Variants in ATRNL1 observed in about 807,000 individuals in gnomAD.
ATRNL1 encodes attractin-like protein 1.
A neutral mutation model predicts 182.7 loss-of-function variants in ATRNL1; 95 were observed. The observed-to-expected ratio is 0.52, with a 90% CI of 0.44 to 0.62. The LOEUF (loss-of-function observed/expected upper bound fraction) is 0.62. Among genes scored for constraint, ATRNL1 ranks in the 20% least tolerant of loss-of-function variants. ATRNL1 has a pLI of 0.00. For missense variants in ATRNL1, 1,471 were observed against 1,679.5 expected (o/e 0.88, Z 2.17); for synonymous variants, 576 against 568.3 (o/e 1.01, Z -0.19).
chr10:115,442,051 A>G (rs923760305), intron 21 of ATRNL1, among the ~76,000 whole-genome samples: 11 of 151,600 alleles, frequency 7.3e-5, no homozygotes, highest in Non-Finnish European at 1.5e-4. Context: ...TTCAGTTTTA[A>G]TTTTCTTCAG....
At chr10:115,541,325 T>C (rs1449756217) in intron 25 of ATRNL1, among the ~76,000 whole-genome samples, 2 of 152,202 alleles carry the variant, frequency 1.3e-5, no homozygotes, top group Admixed American at 6.5e-5. Context: ...ACTTAATTTT[T>C]ATCTGGGAAT....
Position 115,528,011 on chromosome 10 carries a change from T to C in ATRNL1, c.3716+8687T>C, listed in dbSNP as rs1302949721. 3.1e-4 allele frequency among the ~76,000 whole-genome samples: 19 copies of C among 60,472 alleles called. 2 individuals are homozygous for C. Among genetic ancestry groups the C allele is most frequent in the African/African-American group, 1.7e-3 (19 of 10,994 alleles). The allele number at this position is 60,472 out of a possible 152,430, so 39.7% of individuals were successfully genotyped here. On this transcript the variant is annotated intron_variant, in intron 25 of 28. Coordinates refer to ENST00000355044, the MANE Select transcript of ATRNL1 (RefSeq NM_207303.4). ...CTCCCTCCCTCCCTTCCTTCCTTCCTTCCTTCCTTCCTTCCCTCCTTCCTT... is the reference window on the plus strand; with the variant it reads ...CTCCCTCCCTCCCTTCCTTCCTTCCCTCCTTCCTTCCTTCCCTCCTTCCTT...
intron 3 of ATRNL1, 137 bp from the exon 4 acceptor site, chr10:115,127,456 A>T: frequency 6.8e-6 from 4 of 587,492 alleles, no homozygotes. Flanking sequence ...CTTCTTTTAG[A>T]TGTATTCTCC....
intron 27 of ATRNL1, among the ~76,000 whole-genome samples, chr10:115,799,565 C>G (rs1323334180): frequency 1.3e-5 from 2 of 152,178 alleles, no homozygotes; most frequent in African/African-American, 4.8e-5. Context: ...CAGTTGCTCT[C>G]CCAGAAGTCC....
chr10:115,834,289 A>C (rs1194890668), intron 27 of ATRNL1, among the ~76,000 whole-genome samples: 1 of 152,154 alleles, frequency 6.6e-6, no homozygotes, highest in Non-Finnish European at 1.5e-5. Context: ...TTGGGATTTC[A>C]ATCAGATATT....
intron 26 of ATRNL1, among the ~76,000 whole-genome samples, chr10:115,660,159 A>G (rs752475968): frequency 7.9e-5 from 12 of 152,154 alleles, no homozygotes; most frequent in Non-Finnish European, 1.2e-4. Flanking sequence ...CTGGTGGGGA[A>G]GAAGAAGAGT....
intron 25 of ATRNL1, among the ~76,000 whole-genome samples, chr10:115,530,666 C>T (rs1042992297): frequency 3.3e-5 from 5 of 151,570 alleles, no homozygotes; most frequent in Non-Finnish European, 4.4e-5. Context: ...TTAGGGTACA[C>T]GTGCACAATG....
intron 21 of ATRNL1, among the ~76,000 whole-genome samples, chr10:115,458,303 A>G (rs928461421): frequency 2.6e-5 from 4 of 152,138 alleles, no homozygotes; most frequent in African/African-American, 9.7e-5. Flanking sequence ...AAAATTGTGC[A>G]GTTGGTTTCT....
chr10:115,166,069 C>T (rs1463365394), intron 7 of ATRNL1, among the ~76,000 whole-genome samples: 2 of 152,070 alleles, frequency 1.3e-5, no homozygotes, highest in Non-Finnish European at 2.9e-5. Context: ...TCCCCTCTTC[C>T]CTTATCCTCT....
At chr10:115,327,581 A>T (rs1420164042) in intron 18 of ATRNL1, among the ~76,000 whole-genome samples, 1 of 148,466 alleles carries the variant, frequency 6.7e-6, no homozygotes, top group Non-Finnish European at 1.5e-5. Context: ...CCATCCCATT[A>T]CTGGGTATAT....
chr10:115,914,413 G>T (rs1319219076), intron 28 of ATRNL1, among the ~76,000 whole-genome samples: 3 of 152,158 alleles, frequency 2.0e-5, no homozygotes, highest in Non-Finnish European at 4.4e-5. Flanking sequence ...AGGTCATGTT[G>T]ACCAAAGAGC....
chr10:115,746,662 C>T (rs1050722210), intron 27 of ATRNL1, among the ~76,000 whole-genome samples: 2 of 151,944 alleles, frequency 1.3e-5, no homozygotes, highest in Non-Finnish European at 2.9e-5. Context: ...TATTATAATA[C>T]TGATCTAATT....
intron 27 of ATRNL1, among the ~76,000 whole-genome samples, chr10:115,759,841 A>ATTTTTTTTTTTTTTTTTTTT (rs58578796): frequency 6.4e-5 from 4 of 62,696 alleles, no homozygotes; most frequent in African/African-American, 2.9e-4. Flanking sequence ...ACACCTGGCT[A>ATTTTTTTTTTTTTTTTTTTT]TTTTTTTTTT....
At chr10:115,677,551 T>C (rs936550941) in intron 26 of ATRNL1, among the ~76,000 whole-genome samples, 4 of 152,120 alleles carry the variant, frequency 2.6e-5, no homozygotes, top group Non-Finnish European at 5.9e-5. Context: ...TCACGAGATC[T>C]GATGGGTTTA....
At chr10:115,234,139 C>T (rs2144537243) in intron 9 of ATRNL1, among the ~76,000 whole-genome samples, 1 of 152,076 alleles carries the variant, frequency 6.6e-6, no homozygotes, top group African/African-American at 2.4e-5. Flanking sequence ...GTTTTAACTA[C>T]TGAATTCAAT....
At chr10:115,852,885 G>A (rs570996435) in intron 28 of ATRNL1, among the ~76,000 whole-genome samples, 111 of 152,062 alleles carry the variant, frequency 7.3e-4, no homozygotes, top group Non-Finnish European at 1.3e-3. Flanking sequence ...ACTATGACTC[G>A]GTGTATGTAA....
intron 27 of ATRNL1, among the ~76,000 whole-genome samples, chr10:115,833,662 T>C (rs1565420288): frequency 6.6e-6 from 1 of 152,162 alleles, no homozygotes; most frequent in Non-Finnish European, 1.5e-5. Context: ...TCCAGTGAAG[T>C]ACATATTATA....
intron 26 of ATRNL1, among the ~76,000 whole-genome samples, chr10:115,664,658 T>G (rs1860897038): frequency 6.6e-6 from 1 of 152,172 alleles, no homozygotes. Flanking sequence ...TTCCAGTACA[T>G]GAAAATTATC....
At chr10:115,391,036 A>G (rs1455067095) in intron 19 of ATRNL1, among the ~76,000 whole-genome samples, 3 of 152,182 alleles carry the variant, frequency 2.0e-5, no homozygotes, top group African/African-American at 7.2e-5. Context: ...CAGTTCTAAC[A>G]TATTTTTGGG....
Sources: allele counts gnomAD v4.1 joint callset (sites outside exome capture counted in the v4.1 genomes callset), GRCh38; gene constraint gnomAD v4.1.1; transcripts MANE v1.5; gene names NCBI Gene and HGNC (gene_info 2026-07-23, HGNC 2026-07-21).